The following PLCL2 variants were observed in gnomAD, a reference collection of about 807,000 sequenced individuals.
The protein encoded by PLCL2 is inactive phospholipase C-like protein 2.
A neutral mutation model predicts 79.6 loss-of-function variants in PLCL2; 4 were observed. The observed-to-expected ratio is 0.05, with a 90% CI of 0.02 to 0.11. The LOEUF (loss-of-function observed/expected upper bound fraction) is 0.11, where lower values mean the gene tolerates loss of function less well. Ranked by LOEUF, PLCL2 falls within the 10% of genes least tolerant of loss-of-function variation. The probability of loss-of-function intolerance (pLI) is 1.00; values close to 1 mark genes in which losing one functional copy is unlikely to be tolerated. For missense variants in PLCL2, 895 were observed against 1,291.0 expected (o/e 0.69, Z 4.70); for synonymous variants, 484 against 457.7 (o/e 1.06, Z -0.73).
intron 1 of PLCL2, among the ~76,000 whole-genome samples, chr3:16,982,099 G>A (rs892650598): frequency 1.3e-5 from 2 of 152,194 alleles, no homozygotes; most frequent in Non-Finnish European, 2.9e-5. Context: ...AGCAGAGAAT[G>A]CATTTGCTTT....
At chr3:17,047,703 G>A (rs77217210) in intron 4 of PLCL2, among the ~76,000 whole-genome samples, 4,853 of 152,208 alleles carry the variant, frequency 0.032, 118 homozygotes, top group South Asian at 0.062. Flanking sequence ...TAAAGACCCA[G>A]GGTCATCTTG....
intron 5 of PLCL2, among the ~76,000 whole-genome samples, chr3:17,074,920 A>T (rs2065095256): frequency 6.6e-6 from 1 of 152,216 alleles, no homozygotes; most frequent in African/African-American, 2.4e-5. Context: ...TCCTATTGAG[A>T]CCACTCAAAC....
At chr3:16,980,305 G>A (rs200458502) in intron 1 of PLCL2, among the ~76,000 whole-genome samples, 3 of 148,534 alleles carry the variant, frequency 2.0e-5, no homozygotes, top group Admixed American at 1.3e-4. Context: ...GGACGGGGCG[G>A]CTGGCCGGGC....
At chr3:17,084,915 G>C (rs1267613036) in intron 5 of PLCL2, among the ~76,000 whole-genome samples, 3 of 152,172 alleles carry the variant, frequency 2.0e-5, no homozygotes, top group Non-Finnish European at 4.4e-5. Flanking sequence ...TGACCTGGAA[G>C]TCCAGTCCTA....
At chr3:16,959,073 C>CCCTT (rs1333898828) in intron 1 of PLCL2, among the ~76,000 whole-genome samples, 1 of 152,162 alleles carries the variant, frequency 6.6e-6, no homozygotes, top group Non-Finnish European at 1.5e-5. Flanking sequence ...CAGTGCTAAC[C>CCCTT]CCTTCACCTG....
intron 1 of PLCL2, among the ~76,000 whole-genome samples, chr3:16,955,712 G>A (rs1166383805): frequency 2.0e-5 from 3 of 152,076 alleles, no homozygotes; most frequent in Non-Finnish European, 4.4e-5. Context: ...GTTGAGCAGT[G>A]GTTTGTAGTT....
intron 1 of PLCL2, among the ~76,000 whole-genome samples, chr3:17,000,288 T>C (rs2064195801): frequency 1.3e-5 from 2 of 152,190 alleles, no homozygotes; most frequent in Admixed American, 1.3e-4. Flanking sequence ...GTAATCCATC[T>C]GAACTAGAAT....
intron 3 of PLCL2, among the ~76,000 whole-genome samples, chr3:17,036,291 A>G (rs1039944650): frequency 6.6e-6 from 1 of 152,168 alleles, no homozygotes; most frequent in African/African-American, 2.4e-5. Context: ...ATTTCAGTGT[A>G]AATTTGTGAC....
At position 17,085,242 on chromosome 3, in the gene PLCL2, C is replaced by T. The variant is rs1051297785; in HGVS notation, c.3205-4491C>T. Among the ~76,000 whole-genome samples, 35 of 151,874 alleles carry T rather than the reference C, an allele frequency of 2.3e-4. 1 individual carries two copies. Among genetic ancestry groups the T allele is most frequent in the Admixed American group, 1.6e-3 (24 of 15,256 alleles). ...CTTGACTTCCCTGGGCTCAGGTGAT[C>T]CTCCCACCTCAGCCTCACAAGTAGC... On this transcript the variant is annotated intron_variant, in intron 5 of 5. Transcript: ENST00000615277.
chr3:17,010,241 C>T lies in PLCL2; in HGVS notation c.895C>T (p.Leu299Phe). 1 of 1,613,848 alleles carries T rather than the reference C, an allele frequency of 6.2e-7. No homozygotes were observed. The highest frequency in any genetic ancestry group is 1.7e-5 in the Admixed American group (1 of 60,012). ...TAATGCTGTGCAATGTATCAGAAAC[C>T]TCAATCCTGGTTTAAAAACGAGCAA... ...LCNAVQCIRN[L>F]NPGLKTSKIE... Residue 299 changes from leucine (L) to phenylalanine (F), a missense_variant, in exon 2 of 6, where the codon CTC becomes TTC. Leu to Phe is a conservative substitution (Grantham distance 22). Transcript: ENST00000615277. This position sits in a 1 kb window ranked among gnomAD's most constrained non-coding sequence, Gnocchi z 5.8.
chr3:17,015,591 T>C (rs1252725758), intron 3 of PLCL2, among the ~76,000 whole-genome samples: 2 of 152,224 alleles, frequency 1.3e-5, no homozygotes, highest in African/African-American at 4.8e-5. Context: ...TAGTTGAAGC[T>C]GTCATTGACT....
At chr3:16,976,420 A>G (rs1437686531) in intron 1 of PLCL2, among the ~76,000 whole-genome samples, 1 of 152,242 alleles carries the variant, frequency 6.6e-6, no homozygotes, top group East Asian at 1.9e-4. Context: ...ATCTGGAGGC[A>G]GAATTCTTTC....
chr3:16,938,361 G>A (rs549041661), intron 1 of PLCL2, among the ~76,000 whole-genome samples: 5 of 152,294 alleles, frequency 3.3e-5, no homozygotes, highest in African/African-American at 1.2e-4. Context: ...GACAGAGGAA[G>A]AAGTAGTATT....
intron 1 of PLCL2, among the ~76,000 whole-genome samples, chr3:16,966,723 A>G (rs1278351727): frequency 1.3e-5 from 2 of 151,944 alleles, no homozygotes; most frequent in Non-Finnish European, 2.9e-5. Flanking sequence ...CAGAGATTTA[A>G]CTTCTTCCTG....
chr3:17,056,420 T>C (rs1468687116), intron 4 of PLCL2, among the ~76,000 whole-genome samples: 1 of 152,140 alleles, frequency 6.6e-6, no homozygotes, highest in Non-Finnish European at 1.5e-5. Flanking sequence ...AATTCTATGG[T>C]CTACAAATCC....
intron 1 of PLCL2, among the ~76,000 whole-genome samples, chr3:16,896,401 A>G (rs554509764): frequency 4.6e-5 from 7 of 152,310 alleles, no homozygotes; most frequent in African/African-American, 1.7e-4. Context: ...GCCTGGGTGG[A>G]AAGTTGACAC....
At chr3:17,029,150 G>A (rs1177202919) in intron 3 of PLCL2, among the ~76,000 whole-genome samples, 5 of 152,052 alleles carry the variant, frequency 3.3e-5, no homozygotes, top group Non-Finnish European at 7.4e-5. Context: ...TGCCTGAGGT[G>A]CTTGGACAAC....
At chr3:16,900,380 A>G (rs779514140) in intron 1 of PLCL2, among the ~76,000 whole-genome samples, 3 of 152,208 alleles carry the variant, frequency 2.0e-5, no homozygotes, top group Non-Finnish European at 4.4e-5. Context: ...AGCATATCAA[A>G]TTCAGAAGAA....
At chr3:17,001,888 T>C (rs1050657106) in intron 1 of PLCL2, among the ~76,000 whole-genome samples, 1 of 152,054 alleles carries the variant, frequency 6.6e-6, no homozygotes, top group Non-Finnish European at 1.5e-5. Flanking sequence ...TTTACTTCTG[T>C]GCAGAATGTC....
Sources: gnomAD v4.1 joint callset for allele counts (sites outside exome capture counted in the v4.1 genomes callset) on GRCh38, gnomAD v4.1.1 for gene constraint, Gnocchi (gnomAD v3.1) non-coding constraint, MANE v1.5 for transcripts, NCBI Gene and HGNC (gene_info 2026-07-23, HGNC 2026-07-21) for gene names.